Variants in PRUNE2 observed in about 807,000 individuals in gnomAD.
PRUNE2 encodes prune homolog 2 with BCH domain, also known as protein prune homolog 2.
In PRUNE2, 164 loss-of-function variants were observed where a neutral mutation model predicts 252.0. The ratio of observed to expected loss-of-function variants is 0.65; its 90% CI spans 0.57 to 0.74. PRUNE2 has a LOEUF of 0.74. Ranked by LOEUF, PRUNE2 falls within the 30% of genes least tolerant of loss-of-function variation. The probability of loss-of-function intolerance (pLI) is 0.00; values close to 1 mark genes in which losing one functional copy is unlikely to be tolerated. For missense variants in PRUNE2, 3,495 were observed against 3,711.0 expected, an observed-to-expected ratio of 0.94 and a Z score of 1.51; for synonymous variants, 1,292 against 1,350.2, an observed-to-expected ratio of 0.96 and a Z score of 0.94.
chr9:76,884,287 G>A (rs760467324), intron 1 of PRUNE2, among the ~76,000 whole-genome samples: 51 of 152,206 alleles, frequency 3.4e-4, no homozygotes, highest in Non-Finnish European at 6.2e-4. Context: ...GTGGGGGCTC[G>A]TTTAATCTAA....
chr9:76,857,363 G>C (rs746604102), intron 1 of PRUNE2, among the ~76,000 whole-genome samples: 16 of 151,742 alleles, frequency 1.1e-4, no homozygotes, highest in Non-Finnish European at 2.1e-4. Context: ...ATTGTAAAGA[G>C]ACCCTCCAGA....
intron 6 of PRUNE2, among the ~76,000 whole-genome samples, chr9:76,775,566 G>A (rs775687551): frequency 2.0e-5 from 3 of 152,130 alleles, no homozygotes; most frequent in African/African-American, 4.8e-5. Flanking sequence ...CTCCCAAAGT[G>A]TTGGGATTAC....
At chr9:76,700,854 G>A (rs887809659) in intron 9 of PRUNE2, among the ~76,000 whole-genome samples, 5 of 152,118 alleles carry the variant, frequency 3.3e-5, no homozygotes, top group Admixed American at 1.3e-4. Flanking sequence ...TCGCAGGGTT[G>A]CCCTATGTAA....
intron 15 of PRUNE2, among the ~76,000 whole-genome samples, chr9:76,633,964 T>C (rs1443115415): frequency 2.6e-5 from 4 of 152,064 alleles, no homozygotes; most frequent in Admixed American, 2.6e-4. Context: ...TAAAAAAATT[T>C]AGCTGATTGT....
intron 9 of PRUNE2, among the ~76,000 whole-genome samples, chr9:76,687,172 T>C (rs1307573739): frequency 2.0e-5 from 3 of 152,238 alleles, no homozygotes; most frequent in African/African-American, 4.8e-5. Context: ...GACCTTTCTA[T>C]AGATAAACAG....
intron 9 of PRUNE2, among the ~76,000 whole-genome samples, chr9:76,684,918 A>C (rs2043910729): frequency 1.3e-5 from 2 of 152,010 alleles, no homozygotes; most frequent in South Asian, 4.2e-4. Context: ...TGCCTGGCTA[A>C]TTTTTCTATT....
intron 9 of PRUNE2, among the ~76,000 whole-genome samples, chr9:76,682,645 G>A (rs1177440263): frequency 6.6e-6 from 1 of 151,984 alleles, no homozygotes; most frequent in Non-Finnish European, 1.5e-5. Context: ...CTGGGATTAT[G>A]GGCGTGAGCC....
In PRUNE2 at chr9:76,629,179, T is replaced by C; in HGVS notation, c.9149+13A>G. 6.5e-7 allele frequency: 1 copy of C among 1,531,792 alleles called. No individual in the cohort carries two copies. The highest frequency in any genetic ancestry group is 1.4e-5 in the African/African-American group (1 of 72,876). 94.9% of individuals were successfully genotyped at this position (1,531,792 alleles called of 1,614,324 possible). A position where few individuals can be genotyped will look rare whatever the true frequency, so the allele number is the denominator to read the frequency against. ...CTATTTCTTAACACATCTCTGAAAC[T>C]GTCAGGACTTACTTGATGATGCTCT... is the stretch of plus-strand genomic sequence containing the variant. On this transcript the variant is annotated intron_variant, in intron 16 of 18. Transcript: ENST00000376718.
chr9:76,691,719 T>C (rs1416611777), intron 9 of PRUNE2, among the ~76,000 whole-genome samples: 1 of 152,146 alleles, frequency 6.6e-6, no homozygotes, highest in Non-Finnish European at 1.5e-5. Context: ...TCCCAAACAG[T>C]TTCAAATCTG....
At chr9:76,833,096 A>C (rs541769767) in intron 4 of PRUNE2, among the ~76,000 whole-genome samples, 1 of 152,278 alleles carries the variant, frequency 6.6e-6, no homozygotes, top group South Asian at 2.1e-4. Context: ...AGAAAATGAG[A>C]GATTTCCCAA....
intron 6 of PRUNE2, among the ~76,000 whole-genome samples, chr9:76,764,962 G>A (rs2052173385): frequency 6.6e-6 from 1 of 152,214 alleles, no homozygotes; most frequent in African/African-American, 2.4e-5. Flanking sequence ...TGAGAGAGAA[G>A]AATGATGCAG....
chr9:76,687,333 C>T (rs1459174628), intron 9 of PRUNE2, among the ~76,000 whole-genome samples: 1 of 152,136 alleles, frequency 6.6e-6, no homozygotes, highest in African/African-American at 2.4e-5. Flanking sequence ...TCAACCTTTC[C>T]TGGATATTTC....
intron 1 of PRUNE2, among the ~76,000 whole-genome samples, chr9:76,885,851 T>C (rs1343917727): frequency 6.6e-6 from 1 of 152,132 alleles, no homozygotes; most frequent in Non-Finnish European, 1.5e-5. Flanking sequence ...TAGTGAATTT[T>C]TTTTTTATTA....
At chr9:76,899,806 C>T (rs908323577) in intron 1 of PRUNE2, among the ~76,000 whole-genome samples, 2 of 152,168 alleles carry the variant, frequency 1.3e-5, no homozygotes, top group African/African-American at 2.4e-5. Context: ...AGGGGGCTCA[C>T]TTAGAAGAGT....
chr9:76,627,283 C>A (rs1299459346), intron 16 of PRUNE2, among the ~76,000 whole-genome samples: 1 of 89,456 alleles, frequency 1.1e-5, no homozygotes, highest in African/African-American at 2.8e-5. Context: ...GTGTTTTTTT[C>A]ATAGAGATGG....
At chr9:76,772,099 T>C (rs1239976209) in intron 6 of PRUNE2, among the ~76,000 whole-genome samples, 1 of 152,162 alleles carries the variant, frequency 6.6e-6, no homozygotes, top group Non-Finnish European at 1.5e-5. Flanking sequence ...AACCAAGGTG[T>C]CAGCTGGGAA....
intron 6 of PRUNE2, among the ~76,000 whole-genome samples, chr9:76,811,017 A>G (rs1004799000): frequency 1.3e-5 from 2 of 152,222 alleles, no homozygotes; most frequent in Non-Finnish European, 2.9e-5. Context: ...TCCCCAAATC[A>G]GCAAAATAAC....
At chr9:76,638,594 T>C (rs1841164997) in intron 12 of PRUNE2, among the ~76,000 whole-genome samples, 1 of 151,624 alleles carries the variant, frequency 6.6e-6, no homozygotes, top group Non-Finnish European at 1.5e-5. Flanking sequence ...GTGTAAATAT[T>C]CGACATCACA....
Position 76,864,468 on chromosome 9 carries a change from T to TAA in PRUNE2, c.37-10261_37-10260insTT, listed in dbSNP as rs1337710605. Among the ~76,000 whole-genome samples the TAA allele has an allele frequency of 1.5e-3, 196 of 129,166 alleles. 1 individual carries two copies. The highest frequency in any genetic ancestry group is 9.6e-3 in the African/African-American group (193 of 20,042). The allele number at this position is 129,166 out of a possible 152,430, so 84.7% of individuals were successfully genotyped here. A position where few individuals can be genotyped will look rare whatever the true frequency, so the allele number is the denominator to read the frequency against. ...CTAAAGAAATACATAAATAAATAAA[T>TAA]ATAAATAAATAAACAAATAAATAAA... On this transcript the variant is annotated intron_variant, in intron 1 of 18. Transcript: ENST00000376718.
Sources: allele counts gnomAD v4.1 joint callset (sites outside exome capture counted in the v4.1 genomes callset), GRCh38; gene constraint gnomAD v4.1.1; transcripts MANE v1.5; gene names NCBI Gene and HGNC (gene_info 2026-07-23, HGNC 2026-07-21).